Variants in PCDHGA5 observed in about 807,000 individuals in gnomAD.
The protein encoded by PCDHGA5 is protocadherin gamma-A5.
PCDHGA5 carries 36 observed loss-of-function variants against 56.7 expected under a neutral mutation model. That is an observed-to-expected ratio of 0.64 (90% confidence interval 0.49 to 0.84). PCDHGA5 has a LOEUF of 0.84. PCDHGA5 is among the 40% of genes least tolerant of loss of function. PCDHGA5 has a pLI of 0.00. For missense variants in PCDHGA5, 1,305 were observed against 1,201.5 expected, an observed-to-expected ratio of 1.09 and a Z score of -1.27; for synonymous variants, 563 against 520.2, an observed-to-expected ratio of 1.08 and a Z score of -1.12.
At position 141,487,505 on chromosome 5, in the gene PCDHGA5, G is replaced by GTA; in HGVS notation, c.2422-7302_2422-7301insTA. The GTA allele has an allele frequency of 1.2e-6, 2 of 1,614,200 alleles. No homozygotes were observed. The highest frequency in any genetic ancestry group is 1.7e-6 in the Non-Finnish European group (2 of 1,180,032). ...TCATGGCTGTACACCCTTGGCTTCTGCACCCACTCGGAGTGATAGCTTCAT... is the reference window on the plus strand; with the variant it reads ...TCATGGCTGTACACCCTTGGCTTCTGTACACCCACTCGGAGTGATAGCTTCAT... On this transcript the variant is annotated intron_variant, in intron 1 of 3. Coordinates refer to ENST00000518069, the MANE Select transcript of PCDHGA5 (RefSeq NM_018918.3). This position sits in a 1 kb window ranked among gnomAD's most constrained non-coding sequence, Gnocchi z 5.0.
chr5:141,420,336 T>C, intron 1 of PCDHGA5: 1 of 1,399,186 alleles, frequency 7.1e-7, no homozygotes, highest in East Asian at 2.5e-5. Flanking sequence ...TATTCCAATA[T>C]AGTGGTATTA....
chr5:141,374,408 C>T (rs769866993), intron 1 of PCDHGA5: 1 of 1,614,034 alleles, frequency 6.2e-7, no homozygotes, highest in East Asian at 2.2e-5. Context: ...TTTTAACATC[C>T]TTGTCGAGGA....
At chr5:141,385,292 AG>A (rs1458906535) in intron 1 of PCDHGA5, 1 of 1,613,082 alleles carries the variant, frequency 6.2e-7, no homozygotes, top group African/African-American at 1.3e-5. Flanking sequence ...GTAGATTTTC[AG>A]GAATGTAAAG....
intron 1 of PCDHGA5, among the ~76,000 whole-genome samples, chr5:141,473,298 A>G (rs1033516450): frequency 1.3e-5 from 2 of 152,244 alleles, no homozygotes; most frequent in Non-Finnish European, 2.9e-5. Context: ...AGTAGCATAA[A>G]GATTGCTATA....
chr5:141,369,441 A>T (rs1766249196), intron 1 of PCDHGA5, among the ~76,000 whole-genome samples: 1 of 152,152 alleles, frequency 6.6e-6, no homozygotes, highest in African/African-American at 2.4e-5. Flanking sequence ...CTGAGGTGGG[A>T]GGATTGCTTA....
At chr5:141,409,821 C>T in intron 1 of PCDHGA5, 1 of 1,610,940 alleles carries the variant, frequency 6.2e-7, no homozygotes, top group Non-Finnish European at 8.5e-7. Flanking sequence ...CACGGCTCGC[C>T]CACGCTCAGC....
Position 141,431,046 on chromosome 5 carries a change from G to A in PCDHGA5, c.2422-63761G>A, listed in dbSNP as rs1324139757. 7 of 1,614,240 alleles carry A rather than the reference G, an allele frequency of 4.3e-6. 1 individual carries two copies. The Admixed American group carries it at 1.0e-4, about 23-fold the overall frequency. ...GGCAGGATAGACCGGGAGGAGCTCTGTATGGGGGCCATCAAGTGTCAATTA... is the reference window on the plus strand; with the variant it reads ...GGCAGGATAGACCGGGAGGAGCTCTATATGGGGGCCATCAAGTGTCAATTA... On this transcript the variant is annotated intron_variant, in intron 1 of 3. Transcript: ENST00000518069. The surrounding 1 kb of genome is among the most constrained non-coding windows in gnomAD (Gnocchi z 4.8).
Position 141,425,635 on chromosome 5 carries a change from T to C in PCDHGA5, c.2421+58884T>C, listed in dbSNP as rs376675545. On this transcript the variant is annotated intron_variant, in intron 1 of 3. Coordinates refer to ENST00000518069, the MANE Select transcript of PCDHGA5 (RefSeq NM_018918.3). ...TCAGTGCTCCTCCAGTTTTCTCTGA[T>C]AAAACTAGGAGGAAAATTATCTGCA... Among the ~76,000 whole-genome samples, 51 of 152,354 alleles carry C rather than the reference T, an allele frequency of 3.3e-4. 1 individual carries two copies. The South Asian group carries it at 0.01, about 30-fold the overall frequency.
At chr5:141,457,784 T>G (rs1021614051) in intron 1 of PCDHGA5, among the ~76,000 whole-genome samples, 1 of 152,210 alleles carries the variant, frequency 6.6e-6, no homozygotes, top group Non-Finnish European at 1.5e-5. Flanking sequence ...TACCTGTGAG[T>G]TGGGTTATCC....
chr5:141,475,740 A>G (rs942793010), intron 1 of PCDHGA5, among the ~76,000 whole-genome samples: 4 of 152,280 alleles, frequency 2.6e-5, no homozygotes, highest in Non-Finnish European at 5.9e-5. Flanking sequence ...TCCCTAAGGT[A>G]GGTTTCCTAT....
chr5:141,391,238 T>A (rs1388439892), intron 1 of PCDHGA5: 1 of 152,120 alleles, frequency 6.6e-6, no homozygotes, highest in Non-Finnish European at 1.5e-5. Flanking sequence ...TTGCTAGGTA[T>A]ATCTAAGCAA....
chr5:141,372,253 G>A (rs1768545048), intron 1 of PCDHGA5: 2 of 1,613,040 alleles, frequency 1.2e-6, no homozygotes, highest in African/African-American at 2.7e-5. Flanking sequence ...TTCAGCCTGG[G>A]CCTGCGCACG....
chr5:141,383,562 C>T (rs1371686723), intron 1 of PCDHGA5: 2 of 1,613,098 alleles, frequency 1.2e-6, no homozygotes, highest in Non-Finnish European at 1.7e-6. Context: ...GCGACCCGCC[C>T]CGATCCAGCA....
At chr5:141,380,802 T>A (rs1776746309) in intron 1 of PCDHGA5, among the ~76,000 whole-genome samples, 1 of 152,118 alleles carries the variant, frequency 6.6e-6, no homozygotes, top group African/African-American at 2.4e-5. Context: ...AAGAAACAAA[T>A]GTGAGATGAA....
At position 141,486,602 on chromosome 5, in the gene PCDHGA5, C is replaced by T; in HGVS notation, c.2422-8205C>T. The stretch of plus-strand genomic sequence containing the variant: ...TCGCCCAGGGGACCTGCTTTGCTCC[C>T]TTGCAGCCTCTGACCCAGACTCTGG... On this transcript the variant is annotated intron_variant, in intron 1 of 3. Transcript: ENST00000518069. The surrounding 1 kb of genome is among the most constrained non-coding windows in gnomAD (Gnocchi z 5.0). 6.2e-7 allele frequency: 1 copy of T among 1,613,572 alleles called. No homozygotes were observed. Among genetic ancestry groups the T allele is most frequent in the Non-Finnish European group, 8.5e-7 (1 of 1,180,026 alleles).
Position 141,491,287 on chromosome 5 carries a change from C to T in PCDHGA5, c.2422-3520C>T, listed in dbSNP as rs1562145447. 2 of 1,614,030 alleles carry T rather than the reference C, an allele frequency of 1.2e-6. No homozygotes were observed. Among genetic ancestry groups the T allele is most frequent in the Admixed American group, 1.7e-5 (1 of 60,032 alleles). On this transcript the variant is annotated intron_variant, in intron 1 of 3. Coordinates refer to ENST00000518069, the MANE Select transcript of PCDHGA5 (RefSeq NM_018918.3). The surrounding 1 kb of genome is among the most constrained non-coding windows in gnomAD (Gnocchi z 6.9). ...GCCCAAATCCAGTGACTTCCTCATA[C>T]ACCCTCCTGAGCGTTCAGACCTTAC... is the stretch of plus-strand genomic sequence containing the variant.
chr5:141,487,857 T>A lies in PCDHGA5; in HGVS notation c.2422-6950T>A. Reference sequence around the variant, plus strand: ...TATCTGAGTAAGAAATGAAAGTAATTGGTGATCAAGAGCCAGGCTGTTGTG... The same window carrying A: ...TATCTGAGTAAGAAATGAAAGTAATAGGTGATCAAGAGCCAGGCTGTTGTG... On this transcript the variant is annotated intron_variant, in intron 1 of 3. Coordinates refer to ENST00000518069, the MANE Select transcript of PCDHGA5 (RefSeq NM_018918.3). The surrounding 1 kb of genome is among the most constrained non-coding windows in gnomAD (Gnocchi z 5.0). The A allele has an allele frequency of 1.0e-6, 1 of 964,674 alleles. No individual in the cohort carries two copies. Among genetic ancestry groups the A allele is most frequent in the Non-Finnish European group, 1.5e-6 (1 of 659,920 alleles). 59.8% of individuals were successfully genotyped at this position (964,674 alleles called of 1,614,324 possible). A position where few individuals can be genotyped will look rare whatever the true frequency, so the allele number is the denominator to read the frequency against.
chr5:141,385,709 A>C, intron 1 of PCDHGA5: 1 of 259,262 alleles, frequency 3.9e-6, no homozygotes, highest in Non-Finnish European at 6.2e-6. Context: ...TAGCATTCAA[A>C]TATGTAAAAG....
rs376526750 is a variant in PCDHGA5 at position 141,476,593 on chromosome 5, G to T, written c.2422-18214G>T. The T allele has an allele frequency of 8.5e-5, 138 of 1,614,104 alleles. No individual in the cohort carries two copies. The highest frequency in any genetic ancestry group is 1.1e-4 in the Non-Finnish European group (133 of 1,180,044). On this transcript the variant is annotated intron_variant, in intron 1 of 3. Transcript: ENST00000518069. The surrounding 1 kb of genome is among the most constrained non-coding windows in gnomAD (Gnocchi z 7.6). ...GGACGCGCTTTCCGCTCGAGAGCGCGCACGATCCCGATGTGGGAAGCAACT... is the reference window on the plus strand; with the variant it reads ...GGACGCGCTTTCCGCTCGAGAGCGCTCACGATCCCGATGTGGGAAGCAACT...
Sources: allele counts gnomAD v4.1 joint callset (sites outside exome capture counted in the v4.1 genomes callset), GRCh38; gene constraint gnomAD v4.1.1; non-coding constraint Gnocchi (gnomAD v3.1); transcripts MANE v1.5; gene names NCBI Gene and HGNC (gene_info 2026-07-23, HGNC 2026-07-21).